The following DDAH1 variants were observed in gnomAD, a reference collection of about 807,000 sequenced individuals.
The protein encoded by DDAH1 is dimethylarginine dimethylaminohydrolase 1.
In DDAH1, 19 loss-of-function variants were observed where a neutral mutation model predicts 28.8. That is an observed-to-expected ratio of 0.66 (90% CI 0.46 to 0.97). DDAH1 has a LOEUF of 0.97. Among genes scored for constraint, DDAH1 ranks in the 50% least tolerant of loss-of-function variants. DDAH1 has a pLI of 0.00. For synonymous variants in DDAH1, 153 were observed against 154.4 expected (o/e 0.99, Z 0.07); for missense variants, 326 against 375.9 (o/e 0.87, Z 1.10).
chr1:85,373,411 G>A (rs979757881), intron 1 of DDAH1, among the ~76,000 whole-genome samples: 11 of 152,060 alleles, frequency 7.2e-5, no homozygotes, highest in African/African-American at 2.7e-4. Context: ...GGAGGGACCT[G>A]TTATCTCCAA....
At chr1:85,501,662 G>A (rs74580220) in intron 1 of DDAH1, among the ~76,000 whole-genome samples, 2,197 of 152,098 alleles carry the variant, frequency 0.014, 53 homozygotes, top group African/African-American at 0.05. Context: ...TTGCTGTGCC[G>A]CCAGGAAAAA....
At chr1:85,369,718 T>C (rs1650276273) in intron 1 of DDAH1, among the ~76,000 whole-genome samples, 1 of 152,158 alleles carries the variant, frequency 6.6e-6, no homozygotes, top group African/African-American at 2.4e-5. Flanking sequence ...GGTGAGGATA[T>C]GGAGAGATAG....
chr1:85,411,978 T>G (rs1410521680), intron 1 of DDAH1, among the ~76,000 whole-genome samples: 1 of 152,190 alleles, frequency 6.6e-6, no homozygotes, highest in Non-Finnish European at 1.5e-5. Context: ...ACTGATATCA[T>G]TAGAACTTCC....
intron 4 of DDAH1, among the ~76,000 whole-genome samples, chr1:85,335,481 A>T (rs1648046904): frequency 6.6e-6 from 1 of 152,228 alleles, no homozygotes; most frequent in African/African-American, 2.4e-5. Flanking sequence ...CAGAAAAAAT[A>T]TTCCACACAA....
chr1:85,426,954 A>G (rs917517188), intron 1 of DDAH1, among the ~76,000 whole-genome samples: 1 of 151,674 alleles, frequency 6.6e-6, no homozygotes, highest in African/African-American at 2.4e-5. Flanking sequence ...AAAGAAAAAT[A>G]AATTACATTT....
At chr1:85,428,017 G>A (rs1406506532) in intron 1 of DDAH1, among the ~76,000 whole-genome samples, 1 of 152,176 alleles carries the variant, frequency 6.6e-6, no homozygotes, top group Non-Finnish European at 1.5e-5. Context: ...ATTGGTTATA[G>A]AAGGGAAGAG....
intron 1 of DDAH1, among the ~76,000 whole-genome samples, chr1:85,416,274 C>T (rs941289436): frequency 1.6e-4 from 25 of 151,528 alleles, no homozygotes; most frequent in South Asian, 6.3e-4. Context: ...TTTTTTGAGA[C>T]GGAGTCTCAC....
intron 2 of DDAH1, among the ~76,000 whole-genome samples, chr1:85,472,451 C>CTTTTCTCTT (rs60361720): frequency 0.021 from 3,237 of 152,146 alleles, 113 homozygotes; most frequent in African/African-American, 0.073. Flanking sequence ...ATTTATATGC[C>CTTTTCTCTT]TTTTCTCTTA....
chr1:85,461,491 CAAT>C (rs768702325), intron 1 of DDAH1, among the ~76,000 whole-genome samples: 1 of 151,966 alleles, frequency 6.6e-6, no homozygotes, highest in African/African-American at 2.4e-5. Flanking sequence ...AACAAAACAA[CAAT>C]AACAATAGAA....
chr1:85,472,886 T>C (rs79401519), intron 2 of DDAH1, among the ~76,000 whole-genome samples: 4 of 152,104 alleles, frequency 2.6e-5, no homozygotes, highest in Admixed American at 2.6e-4. Flanking sequence ...TGTCTCTTTT[T>C]GGAGTCCGCA....
intron 1 of DDAH1, among the ~76,000 whole-genome samples, chr1:85,384,001 C>A (rs1651125767): frequency 6.6e-6 from 1 of 152,104 alleles, no homozygotes; most frequent in South Asian, 2.1e-4. Context: ...TGAATGGAAC[C>A]TGTACTATCT....
At chr1:85,400,173 T>C (rs1346706755) in intron 1 of DDAH1, among the ~76,000 whole-genome samples, 2 of 20,606 alleles carry the variant, frequency 9.7e-5, no homozygotes, top group Non-Finnish European at 2.1e-4. Flanking sequence ...CTTTCTTTTC[T>C]TTTCTTTTTT....
intron 4 of DDAH1, among the ~76,000 whole-genome samples, chr1:85,350,032 G>T (rs1390249474): frequency 1.1e-4 from 17 of 152,176 alleles, no homozygotes; most frequent in East Asian, 9.6e-4. Flanking sequence ...AAAAGGATAA[G>T]AATAATATAA....
At chr1:85,462,490 T>G (rs544607417) in intron 1 of DDAH1, among the ~76,000 whole-genome samples, 1 of 152,300 alleles carries the variant, frequency 6.6e-6, no homozygotes, top group East Asian at 1.9e-4. Flanking sequence ...AATAATTCCT[T>G]GGCTACTGTG....
chr1:85,502,060 TG>T (rs1408257062), intron 1 of DDAH1, among the ~76,000 whole-genome samples: 1 of 152,220 alleles, frequency 6.6e-6, no homozygotes, highest in Non-Finnish European at 1.5e-5. Flanking sequence ...TCTGCTACGC[TG>T]GAATTTATGC....
At chr1:85,347,644 T>C (rs891536198) in intron 4 of DDAH1, among the ~76,000 whole-genome samples, 62 of 152,178 alleles carry the variant, frequency 4.1e-4, no homozygotes, top group East Asian at 3.9e-4. Flanking sequence ...AGGGATAGCA[T>C]TGGGAGATAT....
At chr1:85,366,754 A>C (rs1196342527) in intron 1 of DDAH1, among the ~76,000 whole-genome samples, 1 of 152,182 alleles carries the variant, frequency 6.6e-6, no homozygotes, top group Non-Finnish European at 1.5e-5. Flanking sequence ...GATTAAAAAA[A>C]CTCCAGAAAG....
upstream of DDAH1, among the ~76,000 whole-genome samples, chr1:85,466,484 G>T (rs148902390): frequency 3.4e-4 from 52 of 152,268 alleles, no homozygotes; most frequent in African/African-American, 1.1e-3. Flanking sequence ...CCTGACCTCA[G>T]GTGATCCACC....
At chr1:85,558,107 C>T (rs769320956) in intron 1 of DDAH1, among the ~76,000 whole-genome samples, 1 of 150,858 alleles carries the variant, frequency 6.6e-6, no homozygotes, top group Non-Finnish European at 1.5e-5. Flanking sequence ...TGGCTCATGC[C>T]TGTAATCCCA....
Sources: gnomAD v4.1 joint callset for allele counts (sites outside exome capture counted in the v4.1 genomes callset) on GRCh38, gnomAD v4.1.1 for gene constraint, MANE v1.5 for transcripts, NCBI Gene and HGNC (gene_info 2026-07-23, HGNC 2026-07-21) for gene names.